Variants in QTMAN observed in about 807,000 individuals in gnomAD.
QTMAN encodes queuosine-tRNA mannosyltransferase, also known as tRNA-queuosine alpha-mannosyltransferase.
chr2:144,110,528 C>T, the QTMAN span, among the ~76,000 whole-genome samples: 1 of 151,910 alleles, frequency 6.6e-6, no homozygotes, highest in Non-Finnish European at 1.5e-5. Context: ...CACCCTAGAA[C>T]TTAAAGTGTT....
chr2:144,145,516 A>G, the QTMAN span: 1 of 1,301,116 alleles, frequency 7.7e-7, no homozygotes, highest in Non-Finnish European at 1.1e-6. Flanking sequence ...AAACGTAACC[A>G]CCTACAAAGA....
At chr2:144,071,547 T>C in the QTMAN span, among the ~76,000 whole-genome samples, 1 of 152,188 alleles carries the variant, frequency 6.6e-6, no homozygotes, top group African/African-American at 2.4e-5. Context: ...CTAAATAAAC[T>C]GATTTGACCT....
At chr2:144,291,245 A>G in the QTMAN span, among the ~76,000 whole-genome samples, 7 of 152,282 alleles carry the variant, frequency 4.6e-5, no homozygotes, top group Admixed American at 6.5e-5. Context: ...TCATCTCCAA[A>G]TAAGTTCACA....
At chr2:143,957,638 A>G in the QTMAN span, among the ~76,000 whole-genome samples, 2 of 152,204 alleles carry the variant, frequency 1.3e-5, no homozygotes, top group Non-Finnish European at 2.9e-5. Flanking sequence ...AAAGTTCGTT[A>G]GATGAAAATA....
the QTMAN span, among the ~76,000 whole-genome samples, chr2:144,087,385 G>A: frequency 6.6e-6 from 1 of 151,924 alleles, no homozygotes; most frequent in East Asian, 1.9e-4. Flanking sequence ...ACATTTAAGG[G>A]ATAAATAATA....
At chr2:144,047,029 G>C in the QTMAN span, among the ~76,000 whole-genome samples, 2 of 152,270 alleles carry the variant, frequency 1.3e-5, no homozygotes, top group African/African-American at 4.8e-5. Flanking sequence ...CCAGCACTTT[G>C]GGAGTCTGAG....
the QTMAN span, among the ~76,000 whole-genome samples, chr2:143,949,694 A>G: frequency 1.3e-5 from 2 of 151,934 alleles, no homozygotes; most frequent in Admixed American, 6.6e-5. Flanking sequence ...CTCCGACTGC[A>G]TAAGAAAAGT....
the QTMAN span, among the ~76,000 whole-genome samples, chr2:144,273,503 T>A: frequency 6.6e-6 from 1 of 152,006 alleles, no homozygotes; most frequent in Non-Finnish European, 1.5e-5. Context: ...CTGACCATTA[T>A]CCCAGGACTC....
chr2:144,132,703 T>C, the QTMAN span, among the ~76,000 whole-genome samples: 1 of 151,790 alleles, frequency 6.6e-6, no homozygotes. Context: ...ATCTACAGAA[T>C]TACTAGAGTT....
At chr2:144,289,942 T>C in the QTMAN span, among the ~76,000 whole-genome samples, 101 of 152,290 alleles carry the variant, frequency 6.6e-4, no homozygotes, top group East Asian at 0.019. Flanking sequence ...CCATACGTAG[T>C]GAACTGTAAC....
At chr2:144,231,460 TAA>T in the QTMAN span, among the ~76,000 whole-genome samples, 4 of 152,122 alleles carry the variant, frequency 2.6e-5, no homozygotes, top group African/African-American at 7.2e-5. Context: ...ATATAATGAT[TAA>T]GTTACTATAT....
At chr2:144,318,874 T>C in the QTMAN span, among the ~76,000 whole-genome samples, 3 of 152,176 alleles carry the variant, frequency 2.0e-5, no homozygotes, top group East Asian at 1.9e-4. Context: ...GGATTCAACA[T>C]TGAGAGAATC....
chr2:144,316,170 G>C, the QTMAN span, among the ~76,000 whole-genome samples: 35 of 151,688 alleles, frequency 2.3e-4, no homozygotes, highest in Non-Finnish European at 8.8e-5. Context: ...GAGCTCAGAG[G>C]TTGAGGCTGC....
At chr2:144,016,956 T>G in the QTMAN span, among the ~76,000 whole-genome samples, 2 of 152,092 alleles carry the variant, frequency 1.3e-5, no homozygotes, top group South Asian at 4.2e-4. Context: ...ACGAGAAAAT[T>G]TGGGGAATAA....
chr2:143,950,663 A>AT, the QTMAN span, among the ~76,000 whole-genome samples: 1 of 151,688 alleles, frequency 6.6e-6, no homozygotes, highest in Admixed American at 6.6e-5. Flanking sequence ...ACTAATACTT[A>AT]TATTTCCTCA....
the QTMAN span, among the ~76,000 whole-genome samples, chr2:144,223,615 T>C: frequency 1.3e-5 from 2 of 152,194 alleles, no homozygotes; most frequent in African/African-American, 2.4e-5. Flanking sequence ...TATAACAATA[T>C]TGATTTGATA....
the QTMAN span, among the ~76,000 whole-genome samples, chr2:144,215,261 AAT>A: frequency 1.2e-4 from 17 of 142,514 alleles, no homozygotes; most frequent in East Asian, 2.0e-4. Context: ...AAAAAAAAAA[AAT>A]ATATATATAT....
chr2:144,118,428 C>T, the QTMAN span, among the ~76,000 whole-genome samples: 1 of 152,160 alleles, frequency 6.6e-6, no homozygotes, highest in Non-Finnish European at 1.5e-5. Flanking sequence ...AAGTATCTCT[C>T]TGGCTATTAC....
chr2:144,253,458 T>C, the QTMAN span, among the ~76,000 whole-genome samples: 9 of 152,132 alleles, frequency 5.9e-5, no homozygotes, highest in Non-Finnish European at 4.4e-5. Flanking sequence ...GTGGGAAAGT[T>C]TGGAACTTCC....
Sources: gnomAD v4.1 joint callset for allele counts (sites outside exome capture counted in the v4.1 genomes callset) on GRCh38, gnomAD v4.1.1 for gene constraint, MANE v1.5 for transcripts, NCBI Gene and HGNC (gene_info 2026-07-23, HGNC 2026-07-21) for gene names.